BTBD2: variants seen among roughly 807,000 people sequenced by gnomAD.
BTBD2 encodes the protein BTB/POZ domain-containing protein 2.
In BTBD2, 15 loss-of-function variants were observed where a neutral mutation model predicts 44.0. The observed-to-expected ratio is 0.34, with a 90% CI of 0.23 to 0.53. The LOEUF is 0.53. Ranked by LOEUF, BTBD2 falls within the 20% of genes least tolerant of loss-of-function variation. The probability of loss-of-function intolerance (pLI) is 0.95; values close to 1 mark genes in which losing one functional copy is unlikely to be tolerated. For synonymous variants in BTBD2, 443 were observed against 335.9 expected (o/e 1.32, Z -3.49); for missense variants, 657 against 746.4 (o/e 0.88, Z 1.39).
intron 1 of BTBD2, among the ~76,000 whole-genome samples, chr19:2,014,850 G>A (rs1440134651): frequency 3.3e-5 from 5 of 151,014 alleles, no homozygotes; most frequent in South Asian, 2.1e-4. Flanking sequence ...ACAGGCTGGG[G>A]GCGCAAGCCA....
At chr19:1,990,480 C>A in intron 4 of BTBD2, 1 of 609,172 alleles carries the variant, frequency 1.6e-6, no homozygotes, top group Non-Finnish European at 2.9e-6. Flanking sequence ...CATGGACCAT[C>A]GGAGGACGAG....
chr19:2,006,652 T>TAG (rs956245359), intron 1 of BTBD2, among the ~76,000 whole-genome samples: 3 of 152,102 alleles, frequency 2.0e-5, no homozygotes, highest in Non-Finnish European at 4.4e-5. Flanking sequence ...CTATGGCCCT[T>TAG]AGAGTGAATC....
At chr19:2,000,165 T>C (rs2016310512) in intron 1 of BTBD2, among the ~76,000 whole-genome samples, 1 of 151,968 alleles carries the variant, frequency 6.6e-6, no homozygotes, top group African/African-American at 2.4e-5. Context: ...GCTCCGGGAC[T>C]GGCAGAGGAT....
intron 1 of BTBD2, among the ~76,000 whole-genome samples, chr19:2,007,915 T>C (rs2016415169): frequency 6.6e-6 from 1 of 152,134 alleles, no homozygotes; most frequent in South Asian, 2.1e-4. Flanking sequence ...GCCAGGACTG[T>C]ATTTCAGTGA....
chr19:2,007,743 C>T (rs971995728), intron 1 of BTBD2, among the ~76,000 whole-genome samples: 1 of 152,094 alleles, frequency 6.6e-6, no homozygotes, highest in Non-Finnish European at 1.5e-5. Flanking sequence ...AGAGAACTGC[C>T]GGGAACCCAG....
chr19:1,990,848 G>A (rs764289183), intron 3 of BTBD2, 26 bp from the exon 4 acceptor site: 52 of 1,533,508 alleles, frequency 3.4e-5, no homozygotes, highest in Non-Finnish European at 4.1e-5. Flanking sequence ...GACGGGGGGC[G>A]CGGTGGGGAC....
intron 1 of BTBD2, among the ~76,000 whole-genome samples, chr19:2,007,598 G>A (rs1159404469): frequency 6.6e-6 from 1 of 152,184 alleles, no homozygotes; most frequent in Non-Finnish European, 1.5e-5. Context: ...TACTTTGGGA[G>A]GCCGGGGATA....
rs1466275049 is a variant in BTBD2, at chr19:1,986,393, C to T, written c.*95G>A. On this transcript the variant is annotated 3_prime_UTR_variant, in exon 9 of 9. Transcript: ENST00000255608. ...GACAGACGGCCTGGGGGACACTGGG[C>T]CTGGCACCGCGTGGTGGGGGGGCCC... 9 of 1,482,682 alleles carry T rather than the reference C, an allele frequency of 6.1e-6. No individual in the cohort carries two copies. The highest frequency in any genetic ancestry group is 8.4e-6 in the Non-Finnish European group (9 of 1,076,580). 91.8% of individuals were successfully genotyped at this position (1,482,682 alleles called of 1,614,324 possible). A position where few individuals can be genotyped will look rare whatever the true frequency, so the allele number is the denominator to read the frequency against.
rs1275075220 is a variant in BTBD2 at position 1,990,010 on chromosome 19, C to T, written c.982G>A (p.Ala328Thr). 5 of 1,613,094 alleles carry T rather than the reference C, an allele frequency of 3.1e-6. No individual in the cohort carries two copies. Among genetic ancestry groups the T allele is most frequent in the Middle Eastern group, 1.6e-4 (1 of 6,084 alleles). Residue 328 changes from alanine (A) to threonine (T), a missense_variant, in exon 5 of 9, where the codon GCT (alanine) becomes ACT (threonine). Transcript: ENST00000255608. ...RFPLMTIEEF[A>T]AGPAQSGILV... ...TGAGCCCGAGCTCTGTTACCTGCAG[C>T]GAACTCCTCGATGGTCATGAGCGGG...
Position 1,986,952 on chromosome 19 carries a change from C to T in BTBD2, c.1294G>A (p.Val432Ile), listed in dbSNP as rs772049204. 51 of 1,613,040 alleles carry T rather than the reference C, an allele frequency of 3.2e-5. No homozygotes were observed. The highest frequency in any genetic ancestry group is 3.9e-5 in the Non-Finnish European group (46 of 1,179,676). Residue 432 changes from valine to isoleucine, a missense_variant, in exon 8 of 9, where the codon GTC becomes ATC. Val to Ile is a conservative substitution (Grantham distance 29, BLOSUM62 3). Coordinates refer to ENST00000255608, the MANE Select transcript of BTBD2 (RefSeq NM_017797.4). ...IQIIHTDSNTVLGQNDTGFSC... is the reference protein window; with the variant it reads ...IQIIHTDSNTILGQNDTGFSC... ...AAGCCCGTGTCGTTCTGGCCCAAGACGGTGTTGCTATCGGTGTGAATAATC... is the reference window on the plus strand; with the variant it reads ...AAGCCCGTGTCGTTCTGGCCCAAGATGGTGTTGCTATCGGTGTGAATAATC...
intron 1 of BTBD2, among the ~76,000 whole-genome samples, chr19:1,999,169 G>A (rs1325265971): frequency 2.6e-5 from 4 of 152,098 alleles, no homozygotes; most frequent in African/African-American, 9.7e-5. Context: ...CAGCCCACCC[G>A]GTCCAGCCCA....
intron 4 of BTBD2, 65 bp downstream of exon 4, chr19:1,990,652 C>T: frequency 1.4e-6 from 2 of 1,434,396 alleles, no homozygotes; most frequent in Non-Finnish European, 1.9e-6. Flanking sequence ...CTCCCACTGT[C>T]AATCCCCGGA....
intron 2 of BTBD2, among the ~76,000 whole-genome samples, chr19:1,995,817 T>G (rs2016244056): frequency 1.3e-5 from 2 of 151,726 alleles, no homozygotes; most frequent in South Asian, 2.1e-4. Context: ...TCTTATTTTT[T>G]ATTTATTTTT....
At chr19:1,994,266 A>G (rs1265862799) in intron 2 of BTBD2, among the ~76,000 whole-genome samples, 2 of 150,442 alleles carry the variant, frequency 1.3e-5, no homozygotes, top group Non-Finnish European at 3.0e-5. Context: ...CAGTGAGCCA[A>G]GATCGTATCA....
In BTBD2 at chr19:1,986,245, G is replaced by A. The variant is rs2016078744; in HGVS notation, c.*243C>T. On this transcript the variant is annotated 3_prime_UTR_variant, in exon 9 of 9. Transcript: ENST00000255608. ...CACAGCCCTGTCCCTAGTCCTGAGGGATTGTCTCCACAGGGCCTGGCCACT... is the reference window on the plus strand; with the variant it reads ...CACAGCCCTGTCCCTAGTCCTGAGGAATTGTCTCCACAGGGCCTGGCCACT... 2 of 558,396 alleles carry A rather than the reference G, an allele frequency of 3.6e-6. No individual in the cohort carries two copies. Among genetic ancestry groups the A allele is most frequent in the South Asian group, 2.1e-5 (1 of 47,528 alleles). 34.6% of individuals were successfully genotyped at this position (558,396 alleles called of 1,614,324 possible).
At chr19:2,004,288 C>CTT (rs60580646) in intron 1 of BTBD2, among the ~76,000 whole-genome samples, 7 of 133,482 alleles carry the variant, frequency 5.2e-5, no homozygotes, top group East Asian at 2.3e-4. Flanking sequence ...GCAAAACAAA[C>CTT]TTTTTTTTTT....
chr19:2,015,114 C>A (rs988879751), intron 1 of BTBD2, among the ~76,000 whole-genome samples, 183 bp downstream of exon 1: 1 of 148,278 alleles, frequency 6.7e-6, no homozygotes, highest in Non-Finnish European at 1.5e-5. Flanking sequence ...GGGGTGCAGG[C>A]CGAGTTGGGT....
chr19:1,993,257 C>G (rs530039746), intron 2 of BTBD2, 81 bp from the exon 3 acceptor site: 1 of 1,475,096 alleles, frequency 6.8e-7, no homozygotes, highest in East Asian at 2.6e-5. Context: ...CCACTCAGAC[C>G]GTTAGACTCG....
chr19:1,999,951 G>C (rs1460966359), intron 1 of BTBD2, among the ~76,000 whole-genome samples: 1 of 127,672 alleles, frequency 7.8e-6, no homozygotes, highest in African/African-American at 3.1e-5. Flanking sequence ...GACAGAGCAA[G>C]ACTAAAGACT....
Sources: gnomAD v4.1 joint callset for allele counts (sites outside exome capture counted in the v4.1 genomes callset) on GRCh38, gnomAD v4.1.1 for gene constraint, MANE v1.5 for transcripts, NCBI Gene and HGNC (gene_info 2026-07-23, HGNC 2026-07-21) for gene names.